Variants in C7 observed in about 807,000 individuals in gnomAD.
C7 encodes the protein complement component C7.
A neutral mutation model predicts 104.8 loss-of-function variants in C7; 83 were observed. The observed-to-expected ratio is 0.79, with a 90% CI of 0.66 to 0.95. The LOEUF (loss-of-function observed/expected upper bound fraction) is 0.95. Ranked by LOEUF, C7 falls within the 40% of genes least tolerant of loss-of-function variation. C7 has a pLI of 0.00. For synonymous variants in C7, 415 were observed against 360.6 expected (o/e 1.15, Z -1.71); for missense variants, 1,070 against 1,011.2 (o/e 1.06, Z -0.79).
chr5:40,969,947 AT>A (rs556530091), intron 14 of C7, among the ~76,000 whole-genome samples: 1 of 151,236 alleles, frequency 6.6e-6, no homozygotes, highest in South Asian at 2.1e-4. Flanking sequence ...CAGTCTTTCT[AT>A]TTTTTTTGTC....
At position 40,947,605 on chromosome 5, in the gene C7, TACCA is replaced by T. The variant is rs1171970533; in HGVS notation, c.745_748del (p.Gln249CysfsTer46). On this transcript the variant is annotated frameshift_variant, in exon 8 of 18. Coordinates refer to ENST00000313164, the MANE Select transcript of C7 (RefSeq NM_000587.4). LOFTEE classifies it high-confidence loss of function. ...GTACTCTTTCTTCTTTCCACAGAGTTACCAACTGCTGGTTGTTGAGAACACTGTT... is the reference window on the plus strand; with the variant it reads ...GTACTCTTTCTTCTTTCCACAGAGTTACTGCTGGTTGTTGAGAACACTGTT... The T allele has an allele frequency of 6.2e-7, 1 of 1,613,254 alleles. No individual in the cohort carries two copies. The highest frequency in any genetic ancestry group is 1.7e-5 in the Admixed American group (1 of 59,840).
rs374150138 is a variant in C7 at position 40,972,389 on chromosome 5, T to C, written c.1883-14T>C. Reference sequence around the variant, plus strand: ...GAGCAACGACCCTTATATTTTGCTCTCTTTTATCTTTAGAAATTGCCTGTG... The same window carrying C: ...GAGCAACGACCCTTATATTTTGCTCCCTTTTATCTTTAGAAATTGCCTGTG... On this transcript the variant is annotated splice_polypyrimidine_tract_variant and intron_variant, in intron 14 of 17. Coordinates refer to ENST00000313164, the MANE Select transcript of C7 (RefSeq NM_000587.4). 6 of 1,612,644 alleles carry C rather than the reference T, an allele frequency of 3.7e-6. No homozygotes were observed. The highest frequency in any genetic ancestry group is 1.1e-5 in the South Asian group (1 of 90,972).
intron 2 of C7, among the ~76,000 whole-genome samples, chr5:40,929,976 C>T (rs886349671): frequency 2.6e-5 from 4 of 151,988 alleles, no homozygotes; most frequent in Non-Finnish European, 4.4e-5. Flanking sequence ...TTCAGAATCC[C>T]TTCAAAGGCC....
Position 40,947,665 on chromosome 5 carries a change from G to A in C7, c.802G>A (p.Glu268Lys). Reference protein sequence around the residue: ...EVAQFINNNPEFLQLAEPFWK... With the variant: ...EVAQFINNNPKFLQLAEPFWK... The stretch of plus-strand genomic sequence containing the variant: ...GGCTCAGTTCATTAATAACAATCCA[G>A]AATTTTTACAACTTGCTGAGCCATT... Residue 268 changes from glutamate (E) to lysine (K), a missense_variant, in exon 8 of 18, where the codon GAA becomes AAA. Coordinates refer to ENST00000313164, the MANE Select transcript of C7 (RefSeq NM_000587.4). 2.5e-6 allele frequency: 4 copies of A among 1,613,526 alleles called. No homozygotes were observed. The highest frequency in any genetic ancestry group is 3.4e-6 in the Non-Finnish European group (4 of 1,179,724).
At chr5:40,943,701 A>G (rs1561246260) in intron 6 of C7, among the ~76,000 whole-genome samples, 2 of 147,948 alleles carry the variant, frequency 1.4e-5, no homozygotes, top group African/African-American at 5.3e-5. Context: ...GTGTGTGTAT[A>G]TATATATACA....
chr5:40,962,241 C>T (rs1323203103), intron 13 of C7, 69 bp downstream of exon 13: 2 of 897,254 alleles, frequency 2.2e-6, no homozygotes, highest in East Asian at 2.8e-5. Flanking sequence ...AGCCCATAAC[C>T]TATTTTCTTC....
chr5:40,972,526 C>G lies in C7; in HGVS notation c.2006C>G (p.Ser669Ter). ...GGTGGCATGTCCTTAGAAGGTCCTTCAGCATTTCTCTGTGGCTCCAGCCTT... is the reference window on the plus strand; with the variant it reads ...GGTGGCATGTCCTTAGAAGGTCCTTGAGCATTTCTCTGTGGCTCCAGCCTT... ...CSGGMSLEGP[S>*]AFLCGSSLKW... The change falls in exon 15 of 18, where the codon TCA (serine) becomes TGA (stop). Residue 669 changes from serine (S) to a stop codon, truncating the protein, a stop_gained. Coordinates refer to ENST00000313164, the MANE Select transcript of C7 (RefSeq NM_000587.4). LOFTEE classifies it high-confidence loss of function. The G allele has an allele frequency of 6.2e-7, 1 of 1,613,594 alleles. No individual in the cohort carries two copies. The highest frequency in any genetic ancestry group is 8.5e-7 in the Non-Finnish European group (1 of 1,179,654).
chr5:40,911,464 G>C (rs935224302), intron 1 of C7, among the ~76,000 whole-genome samples: 1 of 152,192 alleles, frequency 6.6e-6, no homozygotes, highest in South Asian at 2.1e-4. Context: ...TTCCCTCGGA[G>C]CTGGCTGTGG....
In C7 at chr5:40,931,944, G is replaced by C. The variant is rs145129474; in HGVS notation, c.138+805G>C. Among the ~76,000 whole-genome samples the C allele has an allele frequency of 3.3e-3, 508 of 152,232 alleles. 1 individual carries two copies. Among genetic ancestry groups the C allele is most frequent in the African/African-American group, 0.012 (487 of 41,532 alleles). On this transcript the variant is annotated intron_variant, in intron 3 of 17. Transcript: ENST00000313164. ...CGGCTAATTTTTTGTATTTTTAGTA[G>C]AGATGAGGTTTAACCATCTTGGCCA...
chr5:40,932,749 A>T (rs1739722796), intron 3 of C7, among the ~76,000 whole-genome samples: 1 of 152,220 alleles, frequency 6.6e-6, no homozygotes, highest in South Asian at 2.1e-4. Flanking sequence ...AAGAAAGAAC[A>T]CTAAATAGAA....
intron 14 of C7, among the ~76,000 whole-genome samples, chr5:40,971,850 T>C (rs1204604891): frequency 4.6e-5 from 7 of 152,150 alleles, no homozygotes; most frequent in Non-Finnish European, 1.0e-4. Flanking sequence ...GGAAATCCTT[T>C]CCCCATTGCT....
chr5:40,968,520 T>C lies in C7; in HGVS notation c.1882+3647T>C, dbSNP rs1452777811. 6.9e-5 allele frequency among the ~76,000 whole-genome samples: 10 copies of C among 145,680 alleles called. No individual in the cohort carries two copies. In the South Asian group the frequency reaches 2.2e-3, roughly 32 times the overall value. ...CTTTTAAGAACTCTATTATAGAGTT[T>C]TAAATTTTATCAATTTTATTTTTCA... On this transcript the variant is annotated intron_variant, in intron 14 of 17. Coordinates refer to ENST00000313164, the MANE Select transcript of C7 (RefSeq NM_000587.4).
intron 14 of C7, among the ~76,000 whole-genome samples, chr5:40,971,767 G>C (rs1740701706): frequency 6.6e-6 from 1 of 152,010 alleles, no homozygotes; most frequent in African/African-American, 2.4e-5. Context: ...TTTTGTATAA[G>C]GTATAAGGAA....
rs1359084962 is a variant in C7, at chr5:40,937,550, A to T, written c.429-2A>T. On this transcript the variant is annotated splice_acceptor_variant, in intron 5 of 17. Transcript: ENST00000313164. LOFTEE classifies it high-confidence loss of function. ...TCCTTCTCCTCCTCCTCCTTTTAAC[A>T]GTTACAATGAACTCACTGGCCAGTT... 2.5e-6 allele frequency: 4 copies of T among 1,597,048 alleles called. No homozygotes were observed. The highest frequency in any genetic ancestry group is 3.4e-6 in the Non-Finnish European group (4 of 1,173,502).
intron 6 of C7, among the ~76,000 whole-genome samples, chr5:40,941,676 G>C (rs1739939815): frequency 2.0e-5 from 3 of 152,142 alleles, no homozygotes; most frequent in African/African-American, 7.2e-5. Flanking sequence ...GCTGAATGCG[G>C]GGTATGATGG....
At position 40,964,017 on chromosome 5, in the gene C7, A is replaced by C. The variant is rs549800423; in HGVS notation, c.1750-724A>C. On this transcript the variant is annotated intron_variant, in intron 13 of 17. Transcript: ENST00000313164. ...CAGTATTGTCAATGAACAGCTCATA[A>C]TACTTTTTTTTTTTTTTTTTTTTTT... 2.7e-4 allele frequency among the ~76,000 whole-genome samples: 30 copies of C among 113,148 alleles called. 1 individual carries two copies. In the South Asian group the frequency reaches 9.6e-3, roughly 36 times the overall value. The allele number at this position is 113,148 out of a possible 152,430, so 74.2% of individuals were successfully genotyped here. A position where few individuals can be genotyped will look rare whatever the true frequency, so the allele number is the denominator to read the frequency against.
intron 5 of C7, 65 bp downstream of exon 5, chr5:40,936,550 A>C (rs1474006242): frequency 3.4e-6 from 5 of 1,483,184 alleles, no homozygotes; most frequent in Non-Finnish European, 4.6e-6. Context: ...GTTTTATTTT[A>C]TAGTTTGGTA....
chr5:40,938,809 C>A (rs928598900), intron 6 of C7, among the ~76,000 whole-genome samples: 1 of 152,104 alleles, frequency 6.6e-6, no homozygotes, highest in Non-Finnish European at 1.5e-5. Flanking sequence ...CGTACTCATG[C>A]AAAACAGTTA....
chr5:40,929,713 G>A (rs2455305), intron 2 of C7, among the ~76,000 whole-genome samples: 46,271 of 152,114 alleles, frequency 0.3, 9,248 homozygotes, highest in African/African-American at 0.58. Flanking sequence ...ATATGACATG[G>A]CCAGAATGTG....
Sources: allele counts gnomAD v4.1 joint callset (sites outside exome capture counted in the v4.1 genomes callset), GRCh38; gene constraint gnomAD v4.1.1; transcripts MANE v1.5; gene names NCBI Gene and HGNC (gene_info 2026-07-23, HGNC 2026-07-21).